KIAA1217: variants seen among roughly 807,000 people sequenced by gnomAD.
KIAA1217 encodes the protein KIAA1217.
Under a neutral mutation model 163.9 loss-of-function variants are expected in KIAA1217, and 88 were observed. The observed-to-expected ratio is 0.54, with a 90% confidence interval of 0.45 to 0.64. The LOEUF (loss-of-function observed/expected upper bound fraction) is 0.64. Ranked by LOEUF, KIAA1217 falls within the 30% of genes least tolerant of loss-of-function variation. KIAA1217 has a pLI of 0.00. For missense variants in KIAA1217, 2,372 were observed against 2,475.0 expected (o/e 0.96, Z 0.88); for synonymous variants, 903 against 923.1 (o/e 0.98, Z 0.39).
At chr10:24,484,632 T>A (rs1296803807) in intron 6 of KIAA1217, among the ~76,000 whole-genome samples, 2 of 151,964 alleles carry the variant, frequency 1.3e-5, no homozygotes, top group Non-Finnish European at 2.9e-5. Flanking sequence ...CAATCATAGC[T>A]CACTGCAGCC....
At chr10:24,276,552 C>G (rs139350101) in intron 2 of KIAA1217, among the ~76,000 whole-genome samples, 26 of 152,032 alleles carry the variant, frequency 1.7e-4, no homozygotes, top group African/African-American at 6.0e-4. Context: ...TCAAGTGATG[C>G]TCCCACCTCA....
At position 24,473,219 on chromosome 10, in the gene KIAA1217, T is replaced by C. The variant is rs370488144; in HGVS notation, c.847-9T>C. 4 of 1,506,590 alleles carry C rather than the reference T, an allele frequency of 2.7e-6. No homozygotes were observed. The African/African-American group carries it at 5.6e-5, about 21-fold the overall frequency. 93.3% of individuals were successfully genotyped at this position (1,506,590 alleles called of 1,614,324 possible). ...AAGTCAACTTTCTGATCCCTTGTTT[T>C]CTTTTCAGATGCAGAGAGAACTTGT... On this transcript the variant is annotated splice_polypyrimidine_tract_variant and intron_variant, in intron 5 of 20. Transcript: ENST00000376454.
chr10:24,498,507 A>G (rs563978815), intron 8 of KIAA1217, among the ~76,000 whole-genome samples: 1 of 152,248 alleles, frequency 6.6e-6, no homozygotes, highest in East Asian at 1.9e-4. Context: ...GATTTTTTTA[A>G]GTGAGTATAG....
intron 2 of KIAA1217, among the ~76,000 whole-genome samples, chr10:24,310,251 G>C (rs2042530716): frequency 6.6e-6 from 1 of 152,204 alleles, no homozygotes. Context: ...CAGGCACCAG[G>C]TAGCGCTGTA....
intron 2 of KIAA1217, among the ~76,000 whole-genome samples, chr10:24,083,836 A>G (rs1411734402): frequency 6.6e-6 from 1 of 152,122 alleles, no homozygotes; most frequent in Non-Finnish European, 1.5e-5. Context: ...TGAGTGCATG[A>G]TGATGCAATT....
chr10:24,194,686 C>A (rs951574349), intron 2 of KIAA1217, among the ~76,000 whole-genome samples: 19 of 151,326 alleles, frequency 1.3e-4, no homozygotes, highest in Admixed American at 9.2e-4. Flanking sequence ...CAGGCTCAAG[C>A]GATCCTCCTG....
chr10:24,150,564 T>A (rs2064560886), intron 2 of KIAA1217, among the ~76,000 whole-genome samples: 1 of 152,162 alleles, frequency 6.6e-6, no homozygotes. Flanking sequence ...TTCTATTCTT[T>A]CAATTGTCCT....
intron 1 of KIAA1217, among the ~76,000 whole-genome samples, chr10:24,217,254 G>A (rs889202508): frequency 1.3e-5 from 2 of 152,086 alleles, no homozygotes; most frequent in African/African-American, 4.8e-5. Flanking sequence ...TTTAAAGGTA[G>A]CCATGATGTG....
chr10:24,545,634 A>C, intron 20 of KIAA1217, 193 bp from the exon 21 acceptor site: 2 of 1,393,108 alleles, frequency 1.4e-6, no homozygotes. Context: ...TTTCCCGTCC[A>C]TCCTTTGCTA....
intron 1 of KIAA1217, among the ~76,000 whole-genome samples, chr10:23,881,217 T>C (rs757960298): frequency 6.6e-6 from 1 of 151,974 alleles, no homozygotes; most frequent in Non-Finnish European, 1.5e-5. Context: ...TGAACCTGAT[T>C]AAGTTTTTAA....
chr10:24,010,728 A>G (rs2131489328), intron 2 of KIAA1217, among the ~76,000 whole-genome samples: 1 of 150,154 alleles, frequency 6.7e-6, no homozygotes, highest in Admixed American at 6.6e-5. Context: ...AAACCAGTGG[A>G]GTTAGAATAA....
intron 1 of KIAA1217, among the ~76,000 whole-genome samples, chr10:23,776,351 T>C (rs1465228844): frequency 1.3e-5 from 2 of 151,092 alleles, no homozygotes; most frequent in South Asian, 2.1e-4. Flanking sequence ...TATATATATA[T>C]ATATATATTT....
intron 2 of KIAA1217, among the ~76,000 whole-genome samples, chr10:24,131,528 A>T (rs1213667402): frequency 2.0e-5 from 3 of 152,200 alleles, no homozygotes; most frequent in Non-Finnish European, 4.4e-5. Flanking sequence ...CATATCCTGA[A>T]CTGCAGCCCT....
chr10:24,007,015 A>C (rs1847029643), intron 1 of KIAA1217, among the ~76,000 whole-genome samples: 1 of 152,164 alleles, frequency 6.6e-6, no homozygotes, highest in African/African-American at 2.4e-5. Context: ...TGGGGAAAAT[A>C]CTGGAAAACT....
intron 1 of KIAA1217, among the ~76,000 whole-genome samples, chr10:23,899,111 A>G (rs1169579563): frequency 6.6e-6 from 1 of 152,048 alleles, no homozygotes; most frequent in Admixed American, 6.6e-5. Flanking sequence ...TGTTTCCTCT[A>G]TAATCAATGC....
At chr10:24,351,097 G>A (rs553446695) in intron 2 of KIAA1217, among the ~76,000 whole-genome samples, 6 of 151,930 alleles carry the variant, frequency 3.9e-5, no homozygotes, top group South Asian at 2.1e-4. Context: ...ACAGGCATGC[G>A]ACCATACGCA....
At chr10:23,940,602 G>A (rs557197995) in intron 1 of KIAA1217, among the ~76,000 whole-genome samples, 1 of 151,908 alleles carries the variant, frequency 6.6e-6, no homozygotes, top group Non-Finnish European at 1.5e-5. Flanking sequence ...TAAGGAACAT[G>A]TATAAACATT....
At chr10:23,815,883 G>C (rs185676324) in intron 1 of KIAA1217, among the ~76,000 whole-genome samples, 49 of 147,954 alleles carry the variant, frequency 3.3e-4, no homozygotes, top group African/African-American at 1.2e-3. Flanking sequence ...AAATGTTTTT[G>C]CTGCATAAGC....
intron 2 of KIAA1217, among the ~76,000 whole-genome samples, chr10:24,313,214 T>C: frequency 6.6e-6 from 1 of 152,168 alleles, no homozygotes; most frequent in East Asian, 1.9e-4. Flanking sequence ...GTTCAGTTAT[T>C]GATTTTTAGG....
Sources: allele counts gnomAD v4.1 joint callset (sites outside exome capture counted in the v4.1 genomes callset), GRCh38; gene constraint gnomAD v4.1.1; transcripts MANE v1.5; gene names NCBI Gene and HGNC (gene_info 2026-07-23, HGNC 2026-07-21).